Variants in JAK2 observed in about 807,000 individuals in gnomAD.
JAK2 encodes the protein Janus kinase 2, also known as tyrosine-protein kinase JAK2.
A neutral mutation model predicts 139.3 loss-of-function variants in JAK2; 86 were observed. The ratio of observed to expected loss-of-function variants is 0.62; its 90% CI spans 0.52 to 0.74. The LOEUF is 0.74. Among genes scored for constraint, JAK2 ranks in the 30% least tolerant of loss-of-function variants. JAK2 has a pLI of 0.00. For synonymous variants in JAK2, 490 were observed against 437.7 expected (o/e 1.12, Z -1.49); for missense variants, 1,421 against 1,360.3 (o/e 1.04, Z -0.70).
At chr9:5,103,608 C>A (rs1386410504) in intron 22 of JAK2, among the ~76,000 whole-genome samples, 1 of 152,174 alleles carries the variant, frequency 6.6e-6, no homozygotes, top group African/African-American at 2.4e-5. Flanking sequence ...CCCAAATCAA[C>A]AGAATATACA....
chr9:5,011,375 A>G (rs1821690050), intron 2 of JAK2, among the ~76,000 whole-genome samples: 1 of 151,964 alleles, frequency 6.6e-6, no homozygotes, highest in Non-Finnish European at 1.5e-5. Flanking sequence ...TTTTTTGTAG[A>G]GATGGGGTCT....
At position 5,041,140 on chromosome 9, in the gene JAK2, CCGG is replaced by C. The variant is rs1816473149; in HGVS notation, c.351-3261_351-3259del. On this transcript the variant is annotated intron_variant, in intron 4 of 24. Coordinates refer to ENST00000381652, the MANE Select transcript of JAK2 (RefSeq NM_004972.4). ...CCAAGACGGTGCTCCTGATCGCCAT[CCGG>C]CTGATCACGCGCATGGATTATGTGC... 2.9e-6 allele frequency: 3 copies of C among 1,047,284 alleles called. No individual in the cohort carries two copies. In the South Asian group the frequency reaches 4.0e-5, roughly 14 times the overall value. The allele number at this position is 1,047,284 out of a possible 1,614,324, so 64.9% of individuals were successfully genotyped here.
intron 2 of JAK2, among the ~76,000 whole-genome samples, chr9:5,012,590 C>T (rs918226663): frequency 2.0e-5 from 3 of 151,952 alleles, no homozygotes; most frequent in African/African-American, 2.4e-5. Flanking sequence ...GAAATTATAC[C>T]GTATGTATAA....
intron 12 of JAK2, among the ~76,000 whole-genome samples, chr9:5,071,406 C>T (rs1048780720): frequency 1.6e-4 from 24 of 152,068 alleles, no homozygotes; most frequent in African/African-American, 5.5e-4. Context: ...AATACATATA[C>T]ATGTTTAAAG....
In JAK2 at chr9:5,045,178, T is replaced by C. The variant is rs192882296; in HGVS notation, c.468+658T>C. Among the ~76,000 whole-genome samples, 224 of 152,274 alleles carry C rather than the reference T, an allele frequency of 1.5e-3. 4 individuals are homozygous for C. Among genetic ancestry groups the C allele is most frequent in the Non-Finnish European group, 2.5e-3 (169 of 68,002 alleles). On this transcript the variant is annotated intron_variant, in intron 5 of 24. Transcript: ENST00000381652. Reference sequence around the variant, plus strand: ...CTGCTAGACTAGTAGGAATAGAAATTAAAGGAAGAAAATATATTAGTGCTC... The same window carrying C: ...CTGCTAGACTAGTAGGAATAGAAATCAAAGGAAGAAAATATATTAGTGCTC...
intron 22 of JAK2, among the ~76,000 whole-genome samples, chr9:5,095,999 G>C (rs990552812): frequency 2.0e-5 from 3 of 151,984 alleles, no homozygotes; most frequent in Non-Finnish European, 4.4e-5. Flanking sequence ...CCATTAACAG[G>C]ATTTCTGCCT....
Position 5,047,595 on chromosome 9 carries a change from T to C in JAK2, c.468+3075T>C, listed in dbSNP as rs144423601. 4.6e-3 allele frequency among the ~76,000 whole-genome samples: 702 copies of C among 152,348 alleles called. 6 individuals are homozygous for C. The highest frequency in any genetic ancestry group is 0.016 in the African/African-American group (665 of 41,576). ...TTTATTTCCCTGGCTAATGAAGATG[T>C]AAATTTCTTAAGTTCAAATTTTGTC... On this transcript the variant is annotated intron_variant, in intron 5 of 24. Coordinates refer to ENST00000381652, the MANE Select transcript of JAK2 (RefSeq NM_004972.4).
Position 5,090,810 on chromosome 9 carries a change from CG to C in JAK2, c.2959del (p.Glu987ArgfsTer11). Reference sequence around the variant, plus strand: ...CAACGAGAAATATATTGGTGGAGAACGAGAACAGAGTTAAAATTGGAGATTT... The same window carrying C: ...CAACGAGAAATATATTGGTGGAGAACAGAACAGAGTTAAAATTGGAGATTT... Reference protein sequence around the residue: ...LATRNILVENENRVKIGDFGL... With the variant: ...LATRNILVENXNRVKIGDFGL... On this transcript the variant is annotated frameshift_variant, in exon 22 of 25. Coordinates refer to ENST00000381652, the MANE Select transcript of JAK2 (RefSeq NM_004972.4). LOFTEE classifies it high-confidence loss of function. 1 of 1,613,174 alleles carries C rather than the reference CG, an allele frequency of 6.2e-7. No homozygotes were observed. The highest frequency in any genetic ancestry group is 8.5e-7 in the Non-Finnish European group (1 of 1,179,480).
intron 4 of JAK2, among the ~76,000 whole-genome samples, chr9:5,035,894 G>A (rs551363468): frequency 4.5e-4 from 69 of 152,318 alleles, no homozygotes; most frequent in African/African-American, 1.4e-3. Context: ...AGTCAGGCTG[G>A]AGAAGGAAAT....
At chr9:5,082,447 G>A (rs759758213) in intron 19 of JAK2, among the ~76,000 whole-genome samples, 22 of 152,188 alleles carry the variant, frequency 1.4e-4, no homozygotes, top group Non-Finnish European at 2.9e-4. Context: ...CTCGCCTCCC[G>A]CCACAGGGCA....
Position 5,089,685 on chromosome 9 carries a change from G to T in JAK2, c.2583G>T (p.Gly861=). 1 of 1,380,594 alleles carries T rather than the reference G, an allele frequency of 7.2e-7. No individual in the cohort carries two copies. Among genetic ancestry groups the T allele is most frequent in the South Asian group, 2.1e-5 (1 of 46,580 alleles). 85.5% of individuals were successfully genotyped at this position (1,380,594 alleles called of 1,614,324 possible). The change falls in exon 20 of 25, where the codon GGG becomes GGT. Residue 861 remains glycine, a synonymous_variant. Coordinates refer to ENST00000381652, the MANE Select transcript of JAK2 (RefSeq NM_004972.4). ...FLQQLGKGNF[G]SVEMCRYDPL... ...GATGTGTCATTTAGGGTAATTTTGG[G>T]AGTGTGGAGATGTGCCGGTATGACC...
chr9:5,014,264 A>G (rs1282413022), intron 2 of JAK2, among the ~76,000 whole-genome samples: 1 of 147,400 alleles, frequency 6.8e-6, no homozygotes, highest in Non-Finnish European at 1.5e-5. Context: ...TTGGCTTCCC[A>G]GAGTGCAGGG....
At chr9:5,100,356 A>G (rs1282995840) in intron 22 of JAK2, 1 of 151,782 alleles carries the variant, frequency 6.6e-6, no homozygotes, top group Non-Finnish European at 1.5e-5. Flanking sequence ...TAATTCTACT[A>G]CTCTTTTAAC....
chr9:5,118,686 AAGTG>A (rs1387647377), intron 22 of JAK2, among the ~76,000 whole-genome samples: 2 of 152,226 alleles, frequency 1.3e-5, no homozygotes, highest in Admixed American at 6.5e-5. Context: ...TTGTTTGTGT[AAGTG>A]AGTGGACAGG....
rs150041140 is a variant in JAK2 at position 5,120,562 on chromosome 9, T to C, written c.3060-2442T>C. On this transcript the variant is annotated intron_variant, in intron 22 of 24. Transcript: ENST00000381652. ...GGGAAAAAGTGCCTCTGCTTAAATG[T>C]TGTAAAAAATCGGTGAAACAGGATT... 1.2e-3 allele frequency among the ~76,000 whole-genome samples: 176 copies of C among 152,338 alleles called. 2 individuals carry two copies. The highest frequency in any genetic ancestry group is 3.9e-3 in the African/African-American group (161 of 41,576).
chr9:5,125,235 C>G (rs1823897579), intron 23 of JAK2, among the ~76,000 whole-genome samples: 1 of 150,710 alleles, frequency 6.6e-6, no homozygotes, highest in Admixed American at 6.6e-5. Flanking sequence ...ACTTTTATAA[C>G]TTTTATAAAA....
intron 22 of JAK2, among the ~76,000 whole-genome samples, chr9:5,115,088 C>T (rs1217672884): frequency 2.0e-5 from 3 of 152,126 alleles, no homozygotes; most frequent in Non-Finnish European, 4.4e-5. Context: ...TTAAACTAAA[C>T]AGCTGCATAG....
rs771912975 is a variant in JAK2, at chr9:5,055,750, C to G, written c.1018C>G (p.Arg340Gly). The G allele has an allele frequency of 6.2e-7, 1 of 1,610,192 alleles. No individual in the cohort carries two copies. Among genetic ancestry groups the G allele is most frequent in the Non-Finnish European group, 8.5e-7 (1 of 1,177,342 alleles). The change falls in exon 8 of 25, where the codon CGA (arginine) becomes GGA (glycine). Residue 340 changes from arginine (R) to glycine (G), a missense_variant. Coordinates refer to ENST00000381652, the MANE Select transcript of JAK2 (RefSeq NM_004972.4). ...AAACCAAGAGGGTTCAAATGAAAGCCGAGTTGTAACTATCCATAAGCAAGA... is the reference window on the plus strand; with the variant it reads ...AAACCAAGAGGGTTCAAATGAAAGCGGAGTTGTAACTATCCATAAGCAAGA... Reference protein sequence around the residue: ...QANQEGSNESRVVTIHKQDGK... With the variant: ...QANQEGSNESGVVTIHKQDGK...
In JAK2 at chr9:5,064,984, A is replaced by G; in HGVS notation, c.1158A>G (p.Glu386=). 5.0e-6 allele frequency: 8 copies of G among 1,611,002 alleles called. No individual in the cohort carries two copies. Among genetic ancestry groups the G allele is most frequent in the Non-Finnish European group, 6.8e-6 (8 of 1,178,170 alleles). The change falls in exon 9 of 25, where the codon GAA becomes GAG. Residue 386 remains glutamate, a synonymous_variant. Transcript: ENST00000381652. ...TADAHHYLCK[E]VAPPAVLENI... is the part of the protein sequence containing the mutation. Reference sequence around the variant, plus strand: ...ATGCACATCATTACCTCTGTAAAGAAGTAGCACCTCCAGCCGTGCTTGAAA... The same window carrying G: ...ATGCACATCATTACCTCTGTAAAGAGGTAGCACCTCCAGCCGTGCTTGAAA...
Sources: gnomAD v4.1 joint callset for allele counts (sites outside exome capture counted in the v4.1 genomes callset) on GRCh38, gnomAD v4.1.1 for gene constraint, MANE v1.5 for transcripts, NCBI Gene and HGNC (gene_info 2026-07-23, HGNC 2026-07-21) for gene names.